The following NEO1 variants were observed in gnomAD, a reference collection of about 807,000 sequenced individuals.
NEO1 encodes the protein neogenin 1.
NEO1 carries 63 observed loss-of-function variants against 159.7 expected under a neutral mutation model. The observed-to-expected ratio is 0.39, with a 90% confidence interval of 0.32 to 0.49. The LOEUF (loss-of-function observed/expected upper bound fraction) is 0.49, where lower values mean the gene tolerates loss of function less well. Ranked by LOEUF, NEO1 falls within the 20% of genes least tolerant of loss-of-function variation. The probability of loss-of-function intolerance (pLI) is 0.85; values close to 1 mark genes in which losing one functional copy is unlikely to be tolerated. For synonymous variants in NEO1, 633 were observed against 662.0 expected (o/e 0.96, Z 0.67); for missense variants, 1,615 against 1,831.0 (o/e 0.88, Z 2.15).
At chr15:73,280,505 C>T (rs1270520290) in intron 22 of NEO1, among the ~76,000 whole-genome samples, 1 of 152,138 alleles carries the variant, frequency 6.6e-6, no homozygotes, top group Non-Finnish European at 1.5e-5. Context: ...GCCTCCCATA[C>T]TTCAGCTCCC....
chr15:73,149,669 A>G (rs944156479), intron 5 of NEO1, among the ~76,000 whole-genome samples: 3 of 152,248 alleles, frequency 2.0e-5, no homozygotes, highest in Admixed American at 2.0e-4. Flanking sequence ...TTAACATCAC[A>G]TTATGAATTA....
At chr15:73,301,126 A>G (rs1314680243) in intron 27 of NEO1, among the ~76,000 whole-genome samples, 195 bp from the exon 28 acceptor site, 1 of 152,146 alleles carries the variant, frequency 6.6e-6, no homozygotes, top group East Asian at 1.9e-4. Flanking sequence ...GAGACAGTGG[A>G]ATATTTTCTC....
chr15:73,081,164 C>G (rs1191916386), intron 1 of NEO1, among the ~76,000 whole-genome samples: 1 of 152,050 alleles, frequency 6.6e-6, no homozygotes, highest in African/African-American at 2.4e-5. Context: ...GTAGATGTTT[C>G]ATCTCTCTCC....
intron 1 of NEO1, among the ~76,000 whole-genome samples, chr15:73,083,963 A>G (rs1007049636): frequency 1.3e-5 from 2 of 152,020 alleles, no homozygotes; most frequent in Non-Finnish European, 2.9e-5. Flanking sequence ...CCTGTTTTTC[A>G]TTTATTTTTT....
At chr15:73,279,350 G>GTTTTTT (rs1567679061) in intron 22 of NEO1, among the ~76,000 whole-genome samples, 9 of 58,182 alleles carry the variant, frequency 1.5e-4, no homozygotes, top group Non-Finnish European at 3.3e-4. Flanking sequence ...TTTTGGTTTT[G>GTTTTTT]GTTTTTTTTT....
intron 5 of NEO1, among the ~76,000 whole-genome samples, chr15:73,168,489 G>A (rs1229887794): frequency 2.0e-5 from 3 of 151,556 alleles, no homozygotes; most frequent in South Asian, 2.1e-4. Context: ...GTGAGCCACC[G>A]CGCTGGCCGA....
At chr15:73,298,199 C>G in intron 26 of NEO1, 149 bp from the exon 27 acceptor site, 1 of 886,550 alleles carries the variant, frequency 1.1e-6, no homozygotes, top group South Asian at 1.8e-5. Flanking sequence ...TTATCCCTGG[C>G]AGTGGTGCTA....
At chr15:73,119,082 G>A (rs1458872171) in intron 2 of NEO1, among the ~76,000 whole-genome samples, 1 of 152,094 alleles carries the variant, frequency 6.6e-6, no homozygotes, top group African/African-American at 2.4e-5. Flanking sequence ...ATATGACCTA[G>A]CAGTTCCACT....
chr15:73,203,797 C>G (rs989247284), intron 7 of NEO1, among the ~76,000 whole-genome samples: 1 of 152,230 alleles, frequency 6.6e-6, no homozygotes, highest in Middle Eastern at 3.4e-3. Flanking sequence ...ATTTCACTTA[C>G]CCATATGCTG....
intron 9 of NEO1, among the ~76,000 whole-genome samples, chr15:73,244,981 A>AAAAAAAAAAAC (rs1426485832): frequency 1.6e-4 from 23 of 148,202 alleles, no homozygotes; most frequent in Middle Eastern, 6.9e-3. Context: ...AAAAAAAAAA[A>AAAAAAAAAAAC]AACAACAGCA....
In NEO1 at chr15:73,288,330, A is replaced by G. The variant is rs1364561418; in HGVS notation, c.3428A>G (p.Lys1143Arg). ...SHQKKKRAAC[K>R]SVNGSHKYKG... ...GTGCCTAGGAAACGAGCTGCCTGCAAATCAGTGAATGGCTCTCATAAGTAC... is the reference window on the plus strand; with the variant it reads ...GTGCCTAGGAAACGAGCTGCCTGCAGATCAGTGAATGGCTCTCATAAGTAC... The change falls in exon 24 of 29, where the codon AAA (lysine) becomes AGA (arginine). Residue 1143 changes from lysine (K) to arginine (R), a missense_variant. By Grantham distance (26) the Lys-to-Arg change is conservative. Transcript: ENST00000261908. The G allele has an allele frequency of 2.5e-6, 4 of 1,612,968 alleles. No homozygotes were observed. Among genetic ancestry groups the G allele is most frequent in the African/African-American group, 2.7e-5 (2 of 74,890 alleles).
At position 73,065,062 on chromosome 15, in the gene NEO1, T is replaced by TAACTTG. The variant is rs199610807; in HGVS notation, c.130+12258_130+12263dup. 4.9e-3 allele frequency among the ~76,000 whole-genome samples: 741 copies of TAACTTG among 152,254 alleles called. 25 individuals are homozygous for TAACTTG. The highest frequency in any genetic ancestry group is 0.036 in the Admixed American group (554 of 15,294). ...ATTTAGTGTTTCCTAAATGCATCTT[T>TAACTTG]AACTTGTTATTTGTATGATTTCATG... On this transcript the variant is annotated intron_variant, in intron 1 of 28. Coordinates refer to ENST00000261908, the MANE Select transcript of NEO1 (RefSeq NM_002499.4).
intron 5 of NEO1, among the ~76,000 whole-genome samples, chr15:73,163,993 G>C (rs143491862): frequency 6.7e-6 from 1 of 149,134 alleles, no homozygotes; most frequent in Non-Finnish European, 1.5e-5. Context: ...CCCTTTTCCC[G>C]TATTTGTATT....
intron 22 of NEO1, among the ~76,000 whole-genome samples, chr15:73,280,233 C>T (rs2041627505): frequency 6.6e-6 from 1 of 151,730 alleles, no homozygotes; most frequent in Admixed American, 6.6e-5. Context: ...TTGCAGTGAG[C>T]CGAGGTCACA....
intron 22 of NEO1, among the ~76,000 whole-genome samples, chr15:73,278,961 G>A (rs149523929): frequency 6.6e-6 from 1 of 152,202 alleles, no homozygotes; most frequent in Non-Finnish European, 1.5e-5. Context: ...CACAGAAGTA[G>A]TTACTAGGAA....
intron 1 of NEO1, among the ~76,000 whole-genome samples, chr15:73,081,846 C>T (rs1034626464): frequency 6.6e-6 from 1 of 151,084 alleles, no homozygotes; most frequent in African/African-American, 2.4e-5. Flanking sequence ...TATGAGCCAC[C>T]ACACCCAGCC....
intron 5 of NEO1, among the ~76,000 whole-genome samples, chr15:73,152,660 G>A (rs957355836): frequency 1.3e-5 from 2 of 152,170 alleles, no homozygotes; most frequent in African/African-American, 4.8e-5. Flanking sequence ...GGAGGACTAG[G>A]CTTGTAACCG....
intron 1 of NEO1, among the ~76,000 whole-genome samples, chr15:73,109,643 A>G (rs2070867890): frequency 6.6e-6 from 1 of 152,036 alleles, no homozygotes; most frequent in East Asian, 1.9e-4. Context: ...ACATTACCCT[A>G]TAGAAATTGA....
Position 73,062,452 on chromosome 15 carries a change from G to T in NEO1, c.130+9647G>T, listed in dbSNP as rs184879455. Reference sequence around the variant, plus strand: ...TTTGTCAAAACTTCCATAGCTGCTTGTGGTTCTTAACTTAGTGATAAGCAA... The same window carrying T: ...TTTGTCAAAACTTCCATAGCTGCTTTTGGTTCTTAACTTAGTGATAAGCAA... On this transcript the variant is annotated intron_variant, in intron 1 of 28. Coordinates refer to ENST00000261908, the MANE Select transcript of NEO1 (RefSeq NM_002499.4). Among the ~76,000 whole-genome samples, 10 of 152,298 alleles carry T rather than the reference G, an allele frequency of 6.6e-5. No homozygotes were observed. The East Asian group carries it at 1.9e-3, about 29-fold the overall frequency.
Sources: gnomAD v4.1 joint callset for allele counts (sites outside exome capture counted in the v4.1 genomes callset) on GRCh38, gnomAD v4.1.1 for gene constraint, MANE v1.5 for transcripts, NCBI Gene and HGNC (gene_info 2026-07-23, HGNC 2026-07-21) for gene names.